CDH13: variants seen among roughly 807,000 people sequenced by gnomAD.
CDH13 encodes cadherin-13.
In CDH13, 24 loss-of-function variants were observed where a neutral mutation model predicts 63.8. The observed-to-expected ratio is 0.38, with a 90% CI of 0.27 to 0.53. The LOEUF (loss-of-function observed/expected upper bound fraction) is 0.53. Among genes scored for constraint, CDH13 ranks in the 20% least tolerant of loss-of-function variants. The pLI is 0.85. For missense variants in CDH13, 1,049 were observed against 903.1 expected, an observed-to-expected ratio of 1.16 and a Z score of -2.07; for synonymous variants, 503 against 355.3, an observed-to-expected ratio of 1.42 and a Z score of -4.67.
intron 2 of CDH13, among the ~76,000 whole-genome samples, chr16:82,872,936 C>A (rs576355526): frequency 2.0e-5 from 3 of 152,032 alleles, no homozygotes; most frequent in African/African-American, 7.3e-5. Flanking sequence ...TTGATGATAT[C>A]AGAGAGAGAA....
intron 1 of CDH13, among the ~76,000 whole-genome samples, chr16:82,653,629 G>C (rs1337116553): frequency 6.6e-6 from 1 of 152,144 alleles, no homozygotes; most frequent in Non-Finnish European, 1.5e-5. Context: ...CAGGGCTGCA[G>C]GGGTAGGAGG....
chr16:83,113,862 T>A (rs549881443), intron 3 of CDH13, among the ~76,000 whole-genome samples: 1 of 152,214 alleles, frequency 6.6e-6, no homozygotes, highest in Admixed American at 6.5e-5. Flanking sequence ...GTCAGAGTGG[T>A]CATCGGGATC....
chr16:83,126,075 C>G (rs1432650265), intron 4 of CDH13, among the ~76,000 whole-genome samples: 1 of 152,200 alleles, frequency 6.6e-6, no homozygotes, highest in Non-Finnish European at 1.5e-5. Context: ...ACATTCTCCC[C>G]TCTTTAAGAG....
intron 3 of CDH13, among the ~76,000 whole-genome samples, chr16:83,039,027 C>T (rs529025212): frequency 1.3e-5 from 2 of 152,298 alleles, no homozygotes; most frequent in East Asian, 3.9e-4. Flanking sequence ...AACATGGAAG[C>T]CCACACACTA....
chr16:83,450,863 C>T (rs1040974844), intron 6 of CDH13, among the ~76,000 whole-genome samples: 13 of 152,038 alleles, frequency 8.6e-5, no homozygotes, highest in African/African-American at 3.1e-4. Context: ...GAGCAAGACT[C>T]TGTCTCACAG....
At chr16:83,414,166 C>G (rs1447102202) in intron 6 of CDH13, among the ~76,000 whole-genome samples, 1 of 152,136 alleles carries the variant, frequency 6.6e-6, no homozygotes, top group Non-Finnish European at 1.5e-5. Context: ...CATCCAATAG[C>G]TGTTTTTCTT....
intron 2 of CDH13, among the ~76,000 whole-genome samples, chr16:82,939,663 C>G (rs997154815): frequency 1.3e-5 from 2 of 152,114 alleles, no homozygotes; most frequent in Non-Finnish European, 2.9e-5. Context: ...TGGTTGTTTG[C>G]TGTCTTCTCC....
chr16:83,348,003 A>C (rs1035910876), intron 6 of CDH13, among the ~76,000 whole-genome samples: 1 of 152,086 alleles, frequency 6.6e-6, no homozygotes, highest in Admixed American at 6.5e-5. Flanking sequence ...CAGCCTGGAC[A>C]ATGTGGTGAA....
Position 83,047,507 on chromosome 16 carries a change from T to C in CDH13, c.366+15289T>C, listed in dbSNP as rs1917909905. Among the ~76,000 whole-genome samples, 1 of 152,168 alleles carries C rather than the reference T, an allele frequency of 6.6e-6. No homozygotes were observed. The highest frequency in any genetic ancestry group is 1.5e-5 in the Non-Finnish European group (1 of 68,026). On this transcript the variant is annotated intron_variant, in intron 3 of 13. Coordinates refer to ENST00000567109, the MANE Select transcript of CDH13 (RefSeq NM_001257.5). The surrounding 1 kb of genome is among the most constrained non-coding windows in gnomAD (Gnocchi z 4.9). The stretch of plus-strand genomic sequence containing the variant: ...CCTCAGGCCTTTGCGTAATATTTTC[T>C]CTGCATGGAAGGGGAGGATAAGAAA...
intron 2 of CDH13, among the ~76,000 whole-genome samples, chr16:82,909,995 A>G (rs74030000): frequency 0.043 from 6,604 of 152,244 alleles, 455 homozygotes; most frequent in African/African-American, 0.15. Context: ...AGCTGTGGCC[A>G]TGCCACTGGA....
chr16:82,806,929 G>C (rs1216065250), intron 1 of CDH13, among the ~76,000 whole-genome samples: 3 of 152,160 alleles, frequency 2.0e-5, no homozygotes, highest in Non-Finnish European at 4.4e-5. Flanking sequence ...GGAGTGATCA[G>C]ATGTGGGCAT....
chr16:83,635,303 C>G (rs1400275038), intron 8 of CDH13, among the ~76,000 whole-genome samples: 5 of 140,008 alleles, frequency 3.6e-5, no homozygotes, highest in Non-Finnish European at 1.6e-5. Context: ...AGGCCATTTT[C>G]AGGACTTTAA....
At chr16:83,583,382 C>G (rs1301195519) in intron 7 of CDH13, among the ~76,000 whole-genome samples, 3 of 152,226 alleles carry the variant, frequency 2.0e-5, no homozygotes, top group African/African-American at 7.2e-5. Flanking sequence ...ATAGCACTCA[C>G]TTCACTTTGA....
chr16:83,036,308 C>G (rs1916851654), intron 3 of CDH13, among the ~76,000 whole-genome samples: 1 of 152,060 alleles, frequency 6.6e-6, no homozygotes, highest in Non-Finnish European at 1.5e-5. Flanking sequence ...CACCACCACA[C>G]CTGGCTACTT....
At chr16:83,221,794 A>G (rs1248187400) in intron 5 of CDH13, among the ~76,000 whole-genome samples, 2 of 152,136 alleles carry the variant, frequency 1.3e-5, no homozygotes, top group African/African-American at 4.8e-5. Context: ...AGATGCTCAG[A>G]TAACTGGGAA....
At chr16:83,097,502 T>G (rs1041161161) in intron 3 of CDH13, among the ~76,000 whole-genome samples, 39 of 152,014 alleles carry the variant, frequency 2.6e-4, no homozygotes, top group Admixed American at 2.2e-3. Context: ...TGCAGCAGAG[T>G]TACCAAGGAA....
At chr16:82,978,789 C>A (rs1004445782) in intron 2 of CDH13, among the ~76,000 whole-genome samples, 1 of 152,202 alleles carries the variant, frequency 6.6e-6, no homozygotes, top group South Asian at 2.1e-4. Context: ...GGGGTTGGAG[C>A]CCCCACACAG....
intron 1 of CDH13, among the ~76,000 whole-genome samples, chr16:82,699,721 C>G (rs1183270960): frequency 6.6e-6 from 1 of 152,214 alleles, no homozygotes; most frequent in African/African-American, 2.4e-5. Context: ...GTTTTACCTT[C>G]TCCCACCCAC....
At chr16:83,347,806 C>G (rs1347732128) in intron 6 of CDH13, among the ~76,000 whole-genome samples, 1 of 152,208 alleles carries the variant, frequency 6.6e-6, no homozygotes, top group Non-Finnish European at 1.5e-5. Flanking sequence ...CAAATTCTGG[C>G]CACATCTGCA....
Sources: gnomAD v4.1 joint callset for allele counts (sites outside exome capture counted in the v4.1 genomes callset) on GRCh38, gnomAD v4.1.1 for gene constraint, Gnocchi (gnomAD v3.1) non-coding constraint, MANE v1.5 for transcripts, NCBI Gene and HGNC (gene_info 2026-07-23, HGNC 2026-07-21) for gene names.